SEMA3D: variants seen among roughly 807,000 people sequenced by gnomAD.
SEMA3D encodes semaphorin 3D.
In SEMA3D, 84 loss-of-function variants were observed where a neutral mutation model predicts 100.1. The ratio of observed to expected loss-of-function variants is 0.84; its 90% CI spans 0.70 to 1.01. The LOEUF (loss-of-function observed/expected upper bound fraction) is 1.01. SEMA3D is among the 50% of genes least tolerant of loss of function. SEMA3D has a pLI of 0.00. For synonymous variants in SEMA3D, 312 were observed against 320.7 expected, an observed-to-expected ratio of 0.97 and a Z score of 0.29; for missense variants, 875 against 934.1, an observed-to-expected ratio of 0.94 and a Z score of 0.82.
chr7:85,051,496 T>C (rs1791164324), intron 9 of SEMA3D, among the ~76,000 whole-genome samples: 1 of 151,930 alleles, frequency 6.6e-6, no homozygotes, highest in Non-Finnish European at 1.5e-5. Flanking sequence ...CTGCAGACAC[T>C]TTTCTCTTCT....
At chr7:85,070,944 C>T (rs1034671812) in intron 6 of SEMA3D, among the ~76,000 whole-genome samples, 8 of 152,142 alleles carry the variant, frequency 5.3e-5, no homozygotes, top group African/African-American at 1.9e-4. Context: ...CCACGCTCGG[C>T]TACATTTGTA....
At chr7:85,223,095 A>C in the SEMA3D span, among the ~76,000 whole-genome samples, 1 of 152,148 alleles carries the variant, frequency 6.6e-6, no homozygotes, top group Non-Finnish European at 1.5e-5. Flanking sequence ...AACGCAAATC[A>C]AAACCATAAG....
chr7:85,119,844 G>T (rs1185150878), intron 3 of SEMA3D, among the ~76,000 whole-genome samples: 1 of 152,066 alleles, frequency 6.6e-6, no homozygotes. Flanking sequence ...TGGGTGGGCA[G>T]AACTGCTATA....
chr7:85,034,879 A>G (rs942144856), intron 12 of SEMA3D, among the ~76,000 whole-genome samples: 1 of 152,142 alleles, frequency 6.6e-6, no homozygotes, highest in Non-Finnish European at 1.5e-5. Flanking sequence ...GGTAATGCAA[A>G]ATGGTACTGC....
chr7:85,187,211 G>C (rs1219031282), upstream of SEMA3D, among the ~76,000 whole-genome samples: 4 of 152,136 alleles, frequency 2.6e-5, no homozygotes, highest in Admixed American at 2.0e-4. Context: ...TGGATTTAGA[G>C]GTAGCCCTGG....
intron 3 of SEMA3D, among the ~76,000 whole-genome samples, chr7:85,114,961 C>T (rs1016690208): frequency 1.3e-5 from 2 of 152,060 alleles, no homozygotes; most frequent in Admixed American, 6.5e-5. Flanking sequence ...CAATTTATCA[C>T]AATTGACTTT....
intron 2 of SEMA3D, among the ~76,000 whole-genome samples, chr7:85,126,657 A>T (rs908734189): frequency 1.3e-5 from 2 of 151,982 alleles, no homozygotes; most frequent in Non-Finnish European, 2.9e-5. Flanking sequence ...GTTTGATTAG[A>T]TGGTTTTCCT....
At chr7:85,083,782 G>A (rs1788134633) in intron 4 of SEMA3D, among the ~76,000 whole-genome samples, 4 of 148,846 alleles carry the variant, frequency 2.7e-5, no homozygotes, top group African/African-American at 1.0e-4. Context: ...GGGAGGCGGA[G>A]CTTGCAGTGA....
chr7:85,140,650 T>C (rs1453371272), intron 2 of SEMA3D: 1 of 972,934 alleles, frequency 1.0e-6, no homozygotes, highest in Non-Finnish European at 1.2e-6. Flanking sequence ...GCCTACAACC[T>C]GCAAGACACG....
At chr7:85,104,106 G>A (rs373632255) in intron 3 of SEMA3D, among the ~76,000 whole-genome samples, 1 of 151,944 alleles carries the variant, frequency 6.6e-6, no homozygotes. Flanking sequence ...CCAATTGCTA[G>A]CACAAGAAAG....
intron 2 of SEMA3D, among the ~76,000 whole-genome samples, chr7:85,129,909 A>C (rs1789675066): frequency 6.6e-6 from 1 of 152,140 alleles, no homozygotes; most frequent in Non-Finnish European, 1.5e-5. Flanking sequence ...TAAATTCTCC[A>C]GGAACACATG....
intron 8 of SEMA3D, among the ~76,000 whole-genome samples, chr7:85,062,382 G>A (rs1267192927): frequency 6.6e-6 from 1 of 152,004 alleles, no homozygotes; most frequent in Non-Finnish European, 1.5e-5. Context: ...AGGTAATGAA[G>A]ACCTATAGGA....
chr7:85,143,326 G>C (rs1407245952), intron 2 of SEMA3D: 3 of 373,290 alleles, frequency 8.0e-6, no homozygotes, highest in Non-Finnish European at 1.1e-5. Flanking sequence ...TTAACAATGA[G>C]AATATGTTCT....
In SEMA3D at chr7:85,121,895, G is replaced by A; in HGVS notation, c.-4C>T. The A allele has an allele frequency of 2.6e-6, 4 of 1,542,706 alleles. No individual in the cohort carries two copies. The highest frequency in any genetic ancestry group is 3.5e-6 in the Non-Finnish European group (4 of 1,136,202). ...TTTCATCTTTATTAGCATTCATGAT[G>A]AAAACAATGTTCTCTTTCAAATGGT... On this transcript the variant is annotated 5_prime_UTR_variant, in exon 3 of 19. Transcript: ENST00000284136.
intron 1 of SEMA3D, among the ~76,000 whole-genome samples, chr7:85,168,257 AG>A (rs1012344921): frequency 7.9e-5 from 12 of 151,892 alleles, no homozygotes; most frequent in Non-Finnish European, 1.6e-4. Flanking sequence ...GCAGTCAGAC[AG>A]TAGTCCCAAG....
intron 17 of SEMA3D, among the ~76,000 whole-genome samples, chr7:85,011,760 T>A (rs1240199944): frequency 6.6e-6 from 1 of 151,820 alleles, no homozygotes; most frequent in East Asian, 1.9e-4. Context: ...AGCACACTAA[T>A]CTGGACCAAG....
upstream of SEMA3D, among the ~76,000 whole-genome samples, chr7:85,191,516 A>T (rs894419472): frequency 6.6e-6 from 1 of 152,140 alleles, no homozygotes; most frequent in African/African-American, 2.4e-5. Context: ...AATTCCTGTG[A>T]TACCCAGCTG....
intron 2 of SEMA3D, among the ~76,000 whole-genome samples, chr7:85,136,165 G>A (rs948479206): frequency 1.3e-5 from 2 of 152,100 alleles, no homozygotes; most frequent in Non-Finnish European, 2.9e-5. Context: ...GCATGCGTGT[G>A]TCCTTTGGAA....
At chr7:85,163,116 A>C (rs78811412) in intron 1 of SEMA3D, 8,283 of 398,176 alleles carry the variant, frequency 0.021, 145 homozygotes, top group South Asian at 0.069. Flanking sequence ...AAAGAAAAAA[A>C]AAGGCACTTG....
Sources: allele counts gnomAD v4.1 joint callset (sites outside exome capture counted in the v4.1 genomes callset), GRCh38; gene constraint gnomAD v4.1.1; transcripts MANE v1.5; gene names NCBI Gene and HGNC (gene_info 2026-07-23, HGNC 2026-07-21).